The following TMEM178B variants were observed in gnomAD, a reference collection of about 807,000 sequenced individuals.
TMEM178B encodes the protein transmembrane protein 178B.
In TMEM178B, 5 loss-of-function variants were observed where a neutral mutation model predicts 31.0. That is an observed-to-expected ratio of 0.16 (90% CI 0.08 to 0.34). The LOEUF is 0.34. TMEM178B is among the 10% of genes least tolerant of loss of function. The pLI is 1.00. For missense variants in TMEM178B, 275 were observed against 400.3 expected (o/e 0.69, Z 2.67); for synonymous variants, 164 against 164.0 (o/e 1.00, Z 0.00).
intron 1 of TMEM178B, among the ~76,000 whole-genome samples, chr7:141,207,073 T>A (rs1461273852): frequency 6.6e-6 from 1 of 152,194 alleles, no homozygotes; most frequent in Non-Finnish European, 1.5e-5. Context: ...CTTAGCATAA[T>A]GTCTAGGTTA....
chr7:141,450,741 G>A (rs1360917335), intron 3 of TMEM178B, among the ~76,000 whole-genome samples: 1 of 152,114 alleles, frequency 6.6e-6, no homozygotes, highest in African/African-American at 2.4e-5. Context: ...CCTATAGCAG[G>A]TCAACAGTAG....
chr7:141,379,527 A>G (rs927849933), intron 2 of TMEM178B, among the ~76,000 whole-genome samples: 5 of 152,158 alleles, frequency 3.3e-5, no homozygotes, highest in Admixed American at 6.5e-5. Context: ...CAGCAGGTTC[A>G]TGAGAAGCAA....
intron 1 of TMEM178B, among the ~76,000 whole-genome samples, chr7:141,195,761 A>G (rs1204525592): frequency 1.3e-5 from 2 of 152,214 alleles, no homozygotes; most frequent in Admixed American, 1.3e-4. Flanking sequence ...AAGACTGGGA[A>G]GAAAAAGAGA....
chr7:141,480,956 G>C (rs1441735482), downstream of TMEM178B, among the ~76,000 whole-genome samples: 2 of 152,240 alleles, frequency 1.3e-5, no homozygotes, highest in Non-Finnish European at 2.9e-5. Context: ...AACTGGCTGT[G>C]TCTGATATAA....
chr7:141,302,437 A>G (rs772279781), intron 2 of TMEM178B, among the ~76,000 whole-genome samples: 1 of 152,228 alleles, frequency 6.6e-6, no homozygotes, highest in Non-Finnish European at 1.5e-5. Flanking sequence ...AGTCACTTAT[A>G]TAAGTAGTCA....
At chr7:141,330,320 CTG>C (rs1283538603) in intron 2 of TMEM178B, among the ~76,000 whole-genome samples, 9 of 152,132 alleles carry the variant, frequency 5.9e-5, no homozygotes, top group African/African-American at 9.7e-5. Flanking sequence ...GTTCTCCTCC[CTG>C]TGTCCATGTG....
chr7:141,367,882 C>G (rs1353121103), intron 2 of TMEM178B, among the ~76,000 whole-genome samples: 2 of 152,018 alleles, frequency 1.3e-5, no homozygotes, highest in African/African-American at 4.8e-5. Flanking sequence ...ATGCAAAGAC[C>G]TTTAGAGCAG....
chr7:141,114,764 A>G (rs1586777099), intron 1 of TMEM178B, among the ~76,000 whole-genome samples: 2 of 152,304 alleles, frequency 1.3e-5, no homozygotes, highest in South Asian at 4.1e-4. Context: ...ATAAACTATT[A>G]TCTCAGACTC....
At chr7:141,251,523 A>G (rs1388615564) in intron 2 of TMEM178B, among the ~76,000 whole-genome samples, 1 of 152,136 alleles carries the variant, frequency 6.6e-6, no homozygotes, top group East Asian at 1.9e-4. Flanking sequence ...GCCAGGACCT[A>G]CTAGGTGCAT....
At chr7:141,409,174 C>T (rs759548121) in intron 2 of TMEM178B, among the ~76,000 whole-genome samples, 77 of 152,248 alleles carry the variant, frequency 5.1e-4, no homozygotes, top group South Asian at 1.9e-3. Context: ...GTACTGTCAG[C>T]TGGAATTAGG....
At chr7:141,265,108 G>A (rs951818706) in intron 2 of TMEM178B, among the ~76,000 whole-genome samples, 5 of 152,216 alleles carry the variant, frequency 3.3e-5, no homozygotes, top group Non-Finnish European at 5.9e-5. Context: ...TCTGACTTTA[G>A]TGTCTATACT....
intron 3 of TMEM178B, among the ~76,000 whole-genome samples, chr7:141,468,245 A>T (rs955350262): frequency 2.6e-5 from 4 of 152,158 alleles, no homozygotes; most frequent in South Asian, 2.1e-4. Flanking sequence ...CTTCTTCAGG[A>T]TGCAAATTCT....
intron 2 of TMEM178B, among the ~76,000 whole-genome samples, chr7:141,224,452 G>A (rs916444646): frequency 5.3e-5 from 8 of 152,188 alleles, no homozygotes; most frequent in Admixed American, 2.0e-4. Flanking sequence ...TGACCTGGAT[G>A]CCCCAGCCAT....
downstream of TMEM178B, among the ~76,000 whole-genome samples, chr7:141,480,984 T>C (rs1175102835): frequency 6.6e-6 from 1 of 152,220 alleles, no homozygotes; most frequent in Non-Finnish European, 1.5e-5. Context: ...AGTAATTTAC[T>C]GATGAGACAT....
intron 2 of TMEM178B, among the ~76,000 whole-genome samples, chr7:141,233,129 T>C (rs1366743670): frequency 6.6e-6 from 1 of 152,224 alleles, no homozygotes; most frequent in Admixed American, 6.5e-5. Flanking sequence ...CCAAGGCAGA[T>C]TGGGAGTCTC....
At position 141,421,961 on chromosome 7, in the gene TMEM178B, T is replaced by C. The variant is rs76438099; in HGVS notation, c.497-15647T>C. Among the ~76,000 whole-genome samples, 1,096 of 152,260 alleles carry C rather than the reference T, an allele frequency of 7.2e-3. 6 individuals carry two copies. The highest frequency in any genetic ancestry group is 0.011 in the Non-Finnish European group (766 of 68,034). ...GGTAAACTGTCACATATTCATAAGC[T>C]TTTATTTGTAGGTATTAAAATTTGA... is the stretch of plus-strand genomic sequence containing the variant. On this transcript the variant is annotated intron_variant, in intron 2 of 3. Transcript: ENST00000565468.
chr7:141,338,126 C>T (rs530060205), intron 2 of TMEM178B, among the ~76,000 whole-genome samples: 3 of 152,104 alleles, frequency 2.0e-5, no homozygotes, highest in South Asian at 2.1e-4. Flanking sequence ...CGTGAGCCAC[C>T]GTGCCCGGCC....
intron 2 of TMEM178B, among the ~76,000 whole-genome samples, chr7:141,362,513 T>A (rs1436976391): frequency 1.3e-5 from 2 of 151,898 alleles, no homozygotes; most frequent in Admixed American, 6.6e-5. Context: ...ACTTTTTTTT[T>A]TAAAAAAAAG....
intron 2 of TMEM178B, among the ~76,000 whole-genome samples, chr7:141,289,668 T>C (rs1252395457): frequency 7.0e-6 from 1 of 143,596 alleles, no homozygotes; most frequent in Non-Finnish European, 1.5e-5. Context: ...TGAACCAAGA[T>C]TGAACCACTG....
Sources: allele counts gnomAD v4.1 joint callset (sites outside exome capture counted in the v4.1 genomes callset), GRCh38; gene constraint gnomAD v4.1.1; transcripts MANE v1.5; gene names NCBI Gene and HGNC (gene_info 2026-07-23, HGNC 2026-07-21).